HTR2C: variants seen among roughly 807,000 people sequenced by gnomAD.
HTR2C encodes the protein 5-hydroxytryptamine receptor 2C.
HTR2C carries 5 observed loss-of-function variants against 21.0 expected under a neutral mutation model. That is an observed-to-expected ratio of 0.24 (90% confidence interval 0.12 to 0.50). The LOEUF is 0.50. HTR2C is among the 20% of genes least tolerant of loss of function. The probability of loss-of-function intolerance (pLI) is 0.98; values close to 1 mark genes in which losing one functional copy is unlikely to be tolerated. For synonymous variants in HTR2C, 150 were observed against 145.3 expected (o/e 1.03, Z -0.23); for missense variants, 271 against 371.2 (o/e 0.73, Z 2.22).
chrX:114,659,972 G>T (rs1274863842), intron 2 of HTR2C, among the ~76,000 whole-genome samples: 1 of 111,265 alleles, frequency 9.0e-6, no homozygotes, highest in Non-Finnish European at 1.9e-5. Context: ...AAACAAAAAG[G>T]CAGAAATACT....
At chrX:114,745,377 T>C (rs1457589608) in intron 4 of HTR2C, among the ~76,000 whole-genome samples, 1 of 112,173 alleles carries the variant, frequency 8.9e-6, no homozygotes, top group African/African-American at 3.2e-5. Context: ...ACTCCATTAG[T>C]ATGGGGAACA....
intron 4 of HTR2C, among the ~76,000 whole-genome samples, chrX:114,795,498 G>A (rs2070282877): frequency 9.0e-6 from 1 of 111,634 alleles, no homozygotes; most frequent in African/African-American, 3.3e-5. Flanking sequence ...ATGGTTTTAG[G>A]TCTAACATTT....
At chrX:114,788,829 T>G (rs1387487771) in intron 4 of HTR2C, among the ~76,000 whole-genome samples, 1 of 109,561 alleles carries the variant, frequency 9.1e-6, no homozygotes, top group Non-Finnish European at 1.9e-5. Flanking sequence ...TTGTATTTTT[T>G]GTAGAGATGG....
At chrX:114,833,097 T>G (rs1474528861) in intron 4 of HTR2C, among the ~76,000 whole-genome samples, 2 of 91,796 alleles carry the variant, frequency 2.2e-5, no homozygotes, top group Non-Finnish European at 4.3e-5. Flanking sequence ...CTGGATTCGT[T>G]TTGCCAGTAT....
chrX:114,689,884 T>C (rs1348695068), intron 2 of HTR2C, among the ~76,000 whole-genome samples: 1 of 112,105 alleles, frequency 8.9e-6, no homozygotes, highest in Non-Finnish European at 1.9e-5. Flanking sequence ...TAAAGTGAAA[T>C]TAAGTTTGCA....
chrX:114,655,247 T>C (rs1453095122), intron 2 of HTR2C, among the ~76,000 whole-genome samples: 1 of 110,916 alleles, frequency 9.0e-6, no homozygotes, highest in Non-Finnish European at 1.9e-5. Context: ...TGACAGTTAA[T>C]TTGAGTTGTG....
chrX:114,789,991 A>G (rs2070216022), intron 4 of HTR2C, among the ~76,000 whole-genome samples: 1 of 112,339 alleles, frequency 8.9e-6, no homozygotes, highest in Admixed American at 9.4e-5. Flanking sequence ...GCAGGTACTT[A>G]AAGTGTCTTT....
intron 2 of HTR2C, among the ~76,000 whole-genome samples, chrX:114,692,941 A>T (rs376387936): frequency 3.6e-5 from 4 of 111,485 alleles, no homozygotes; most frequent in East Asian, 5.6e-4. Context: ...AGTATAATAC[A>T]AGGAAGAGTA....
chrX:114,617,463 A>G (rs1322601335), intron 2 of HTR2C, among the ~76,000 whole-genome samples: 2 of 112,064 alleles, frequency 1.8e-5, no homozygotes, highest in Non-Finnish European at 3.8e-5. Flanking sequence ...AGAAAGAAAA[A>G]CAGAAATACA....
chrX:114,709,229 T>A (rs1932856176), intron 2 of HTR2C, among the ~76,000 whole-genome samples: 1 of 112,146 alleles, frequency 8.9e-6, no homozygotes, highest in South Asian at 3.6e-4. Flanking sequence ...TCACTCTTAT[T>A]TTTTTAACTT....
At chrX:114,805,871 ATATACACCATATG>A (rs1556448991) in intron 4 of HTR2C, among the ~76,000 whole-genome samples, 3 of 93,633 alleles carry the variant, frequency 3.2e-5, no homozygotes, top group African/African-American at 1.2e-4. Flanking sequence ...TATACCATAT[ATATACACCATATG>A]TATACCATAT....
intron 3 of HTR2C, among the ~76,000 whole-genome samples, chrX:114,728,586 C>T (rs2069505281): frequency 9.0e-6 from 1 of 110,701 alleles, no homozygotes; most frequent in African/African-American, 3.3e-5. Context: ...AAGATTTATC[C>T]TAACACCATT....
intron 2 of HTR2C, among the ~76,000 whole-genome samples, chrX:114,721,881 C>G (rs1201263564): frequency 9.4e-6 from 1 of 106,394 alleles, no homozygotes. Flanking sequence ...ATCTATATCT[C>G]TGTTTTGGTA....
At chrX:114,829,165 A>G (rs2070700450) in intron 4 of HTR2C, among the ~76,000 whole-genome samples, 1 of 111,743 alleles carries the variant, frequency 8.9e-6, no homozygotes, top group African/African-American at 3.2e-5. Flanking sequence ...TTTATCACCA[A>G]CAATGTATGA....
chrX:114,851,710 C>A (rs1425326346), intron 5 of HTR2C, among the ~76,000 whole-genome samples: 15 of 111,019 alleles, frequency 1.4e-4, no homozygotes, highest in Non-Finnish European at 2.6e-4. Context: ...AATAAGAACT[C>A]CTTTTCATAT....
intron 2 of HTR2C, among the ~76,000 whole-genome samples, chrX:114,640,995 T>G (rs1390140436): frequency 3.1e-5 from 3 of 96,770 alleles, no homozygotes; most frequent in African/African-American, 1.1e-4. Flanking sequence ...CTTTCCTTCT[T>G]TCTTTCTCTC....
chrX:114,680,608 T>C (rs782691287), intron 2 of HTR2C, among the ~76,000 whole-genome samples: 14 of 111,800 alleles, frequency 1.3e-4, no homozygotes, highest in African/African-American at 4.5e-4. Flanking sequence ...TTTTTCTTGG[T>C]CTCACCTTCT....
intron 5 of HTR2C, among the ~76,000 whole-genome samples, chrX:114,894,865 C>T (rs2071284481): frequency 9.1e-6 from 1 of 110,127 alleles, no homozygotes; most frequent in African/African-American, 3.3e-5. Context: ...ATTCCAGGCA[C>T]ACACCACCAT....
intron 2 of HTR2C, among the ~76,000 whole-genome samples, chrX:114,703,335 AAGAAC>A (rs1556417286): frequency 9.1e-6 from 1 of 110,151 alleles, no homozygotes; most frequent in Non-Finnish European, 1.9e-5. Context: ...GCAAATGTAA[AAGAAC>A]AGAAATTATA....
Sources: allele counts gnomAD v4.1 joint callset (sites outside exome capture counted in the v4.1 genomes callset), GRCh38; gene constraint gnomAD v4.1.1; transcripts MANE v1.5; gene names NCBI Gene and HGNC (gene_info 2026-07-23, HGNC 2026-07-21).